The following FMNL2 variants were observed in gnomAD, a reference collection of about 807,000 sequenced individuals.
FMNL2 encodes the protein formin-like protein 2.
In FMNL2, 51 loss-of-function variants were observed where a neutral mutation model predicts 130.2. That is an observed-to-expected ratio of 0.39 (90% confidence interval 0.31 to 0.49). The LOEUF is 0.49. Ranked by LOEUF, FMNL2 falls within the 20% of genes least tolerant of loss-of-function variation. FMNL2 has a pLI of 0.85. For synonymous variants in FMNL2, 465 were observed against 467.1 expected, an observed-to-expected ratio of 1.00 and a Z score of 0.06; for missense variants, 977 against 1,316.2, an observed-to-expected ratio of 0.74 and a Z score of 3.99.
chr2:152,587,980 C>A (rs1339704014), intron 9 of FMNL2, among the ~76,000 whole-genome samples: 1 of 152,168 alleles, frequency 6.6e-6, no homozygotes, highest in Non-Finnish European at 1.5e-5. Context: ...GGGCTGGAGG[C>A]AGATGGGGAA....
intron 1 of FMNL2, among the ~76,000 whole-genome samples, chr2:152,343,494 C>T (rs929158289): frequency 6.6e-6 from 1 of 152,080 alleles, no homozygotes; most frequent in Non-Finnish European, 1.5e-5. Flanking sequence ...CAAGGTTTCA[C>T]CACATTGGCC....
At chr2:152,556,945 T>G (rs1695244731) in intron 4 of FMNL2, among the ~76,000 whole-genome samples, 1 of 151,872 alleles carries the variant, frequency 6.6e-6, no homozygotes, top group South Asian at 2.1e-4. Context: ...CAGTTTAAAT[T>G]GTACAATCAC....
At chr2:152,608,643 G>C (rs1400070249) in intron 10 of FMNL2, among the ~76,000 whole-genome samples, 1 of 151,462 alleles carries the variant, frequency 6.6e-6, no homozygotes, top group Non-Finnish European at 1.5e-5. Context: ...TTAAAATCTT[G>C]TTATTAGGAT....
intron 25 of FMNL2, among the ~76,000 whole-genome samples, chr2:152,646,595 G>A (rs562729309): frequency 2.0e-4 from 28 of 143,328 alleles, no homozygotes; most frequent in Admixed American, 1.1e-3. Flanking sequence ...GGGGTGGGGG[G>A]GCACAGTGGA....
At chr2:152,448,634 A>C (rs1479619109) in intron 1 of FMNL2, among the ~76,000 whole-genome samples, 1 of 152,208 alleles carries the variant, frequency 6.6e-6, no homozygotes. Context: ...ATTGAATACT[A>C]TCTGAAACCA....
intron 9 of FMNL2, among the ~76,000 whole-genome samples, chr2:152,592,404 A>G (rs1580046885): frequency 6.6e-6 from 1 of 152,142 alleles, no homozygotes; most frequent in Admixed American, 6.5e-5. Context: ...ACATAAGCAC[A>G]TTTTTTATTG....
intron 9 of FMNL2, among the ~76,000 whole-genome samples, chr2:152,589,851 C>G (rs1394922772): frequency 1.3e-5 from 2 of 150,166 alleles, no homozygotes; most frequent in African/African-American, 2.4e-5. Flanking sequence ...CTCCCTCACT[C>G]CTGGACCTCC....
chr2:152,579,700 A>G (rs1230439689), intron 8 of FMNL2, among the ~76,000 whole-genome samples: 1 of 152,194 alleles, frequency 6.6e-6, no homozygotes, highest in African/African-American at 2.4e-5. Context: ...TCTGTCTCAA[A>G]AAATAAAGAA....
intron 3 of FMNL2, among the ~76,000 whole-genome samples, chr2:152,544,845 T>G (rs1694529551): frequency 6.6e-6 from 1 of 152,200 alleles, no homozygotes; most frequent in South Asian, 2.1e-4. Flanking sequence ...ACAGTTCCAA[T>G]TTTCCTTTAG....
At chr2:152,437,429 T>G (rs1357446889) in intron 1 of FMNL2, among the ~76,000 whole-genome samples, 1 of 152,150 alleles carries the variant, frequency 6.6e-6, no homozygotes, top group East Asian at 1.9e-4. Flanking sequence ...GCAGAGAAAC[T>G]TACTGTAACT....
At chr2:152,450,403 C>T (rs1210811612) in intron 1 of FMNL2, among the ~76,000 whole-genome samples, 1 of 152,166 alleles carries the variant, frequency 6.6e-6, no homozygotes, top group Non-Finnish European at 1.5e-5. Context: ...GACAACAGTA[C>T]CTTCAGGTAC....
chr2:152,521,931 T>A lies in FMNL2; in HGVS notation c.118-12T>A. The A allele has an allele frequency of 1.2e-6, 2 of 1,608,346 alleles. No individual in the cohort carries two copies. Among genetic ancestry groups the A allele is most frequent in the Non-Finnish European group, 1.7e-6 (2 of 1,175,102 alleles). On this transcript the variant is annotated splice_polypyrimidine_tract_variant and intron_variant, in intron 1 of 25. Transcript: ENST00000288670. Reference sequence around the variant, plus strand: ...ATGTGACATCTTTTCTCTCTTTATTTTTTTTAAACAGAATGCTATGAACCT... The same window carrying A: ...ATGTGACATCTTTTCTCTCTTTATTATTTTTAAACAGAATGCTATGAACCT...
chr2:152,337,164 G>C (rs1681519075), intron 1 of FMNL2, among the ~76,000 whole-genome samples: 1 of 152,084 alleles, frequency 6.6e-6, no homozygotes, highest in Admixed American at 6.5e-5. Flanking sequence ...CATCTCCTGT[G>C]ATCTCCCACA....
chr2:152,588,150 A>G (rs1697189906), intron 9 of FMNL2, among the ~76,000 whole-genome samples: 1 of 152,230 alleles, frequency 6.6e-6, no homozygotes, highest in Admixed American at 6.5e-5. Flanking sequence ...AGTTCTGTAG[A>G]CCAGAAGAAT....
At chr2:152,483,330 T>C (rs1439459302) in intron 1 of FMNL2, among the ~76,000 whole-genome samples, 1 of 152,084 alleles carries the variant, frequency 6.6e-6, no homozygotes, top group Admixed American at 6.5e-5. Flanking sequence ...TAGGTGTTGG[T>C]TAAAATTAGA....
At chr2:152,545,419 TA>T (rs992420297) in intron 3 of FMNL2, among the ~76,000 whole-genome samples, 13 of 151,934 alleles carry the variant, frequency 8.6e-5, no homozygotes, top group East Asian at 1.9e-4. Context: ...TTGCTTTTTT[TA>T]AAAAAAAATT....
At chr2:152,538,755 G>A (rs984485926) in intron 2 of FMNL2, among the ~76,000 whole-genome samples, 2 of 152,138 alleles carry the variant, frequency 1.3e-5, no homozygotes, top group African/African-American at 4.8e-5. Context: ...ACTTGGGGTT[G>A]CCTGTCTAAT....
rs1553866945 is a variant in FMNL2 at position 152,359,494 on chromosome 2, T to TC, written c.117+23775dup. On this transcript the variant is annotated intron_variant, in intron 1 of 25. Transcript: ENST00000288670. ...CTAAGAGGTAGCCTTTTTTTTTTTT[T>TC]CACATAACAGGTAAAAACAACTAAA... Among the ~76,000 whole-genome samples, 253 of 147,734 alleles carry TC rather than the reference T, an allele frequency of 1.7e-3. 1 individual carries two copies. Among genetic ancestry groups the TC allele is most frequent in the Middle Eastern group, 0.015 (4 of 272 alleles).
Position 152,536,394 on chromosome 2 carries a change from A to G in FMNL2, c.202-6345A>G, listed in dbSNP as rs74418324. 2.1e-3 allele frequency among the ~76,000 whole-genome samples: 325 copies of G among 152,302 alleles called. 3 individuals carry two copies. The highest frequency in any genetic ancestry group is 7.3e-3 in the African/African-American group (304 of 41,568). On this transcript the variant is annotated intron_variant, in intron 2 of 25. Coordinates refer to ENST00000288670, the MANE Select transcript of FMNL2 (RefSeq NM_052905.4). The stretch of plus-strand genomic sequence containing the variant: ...TACAAATTAGTACTTACTAATAGCA[A>G]TAGTGCTGGTTGTAATATTGGCTCA...
Sources: allele counts gnomAD v4.1 joint callset (sites outside exome capture counted in the v4.1 genomes callset), GRCh38; gene constraint gnomAD v4.1.1; transcripts MANE v1.5; gene names NCBI Gene and HGNC (gene_info 2026-07-23, HGNC 2026-07-21).